The following CBLB variants were observed in gnomAD, a reference collection of about 807,000 sequenced individuals.
CBLB encodes the protein Cbl proto-oncogene B.
CBLB carries 31 observed loss-of-function variants against 104.9 expected under a neutral mutation model. The ratio of observed to expected loss-of-function variants is 0.30; its 90% CI spans 0.22 to 0.40. The LOEUF is 0.40. Among genes scored for constraint, CBLB ranks in the 10% least tolerant of loss-of-function variants. The pLI is 1.00. For synonymous variants in CBLB, 440 were observed against 422.6 expected, an observed-to-expected ratio of 1.04 and a Z score of -0.51; for missense variants, 1,062 against 1,214.6, an observed-to-expected ratio of 0.87 and a Z score of 1.87.
intron 9 of CBLB, among the ~76,000 whole-genome samples, chr3:105,725,747 T>C (rs1394192329): frequency 1.3e-5 from 2 of 152,236 alleles, no homozygotes; most frequent in African/African-American, 2.4e-5. Context: ...CAAGTATTAT[T>C]TTCTATTTGT....
chr3:105,657,485 C>A lies in CBLB; in HGVS notation c.*1485G>T, dbSNP rs185240712. Reference sequence around the variant, plus strand: ...AACCAGCTAATTCTAAATTCTAAAGCCCTGGGGGAAACCTTCCAGGCTTTG... The same window carrying A: ...AACCAGCTAATTCTAAATTCTAAAGACCTGGGGGAAACCTTCCAGGCTTTG... On this transcript the variant is annotated 3_prime_UTR_variant, in exon 19 of 19. Coordinates refer to ENST00000394030, the MANE Select transcript of CBLB (RefSeq NM_170662.5). 52 of 209,184 alleles carry A rather than the reference C, an allele frequency of 2.5e-4. No individual in the cohort carries two copies. The highest frequency in any genetic ancestry group is 1.0e-3 in the African/African-American group (46 of 44,122). The allele number at this position is 209,184 out of a possible 1,614,324, so 13.0% of individuals were successfully genotyped here. A position where few individuals can be genotyped will look rare whatever the true frequency, so the allele number is the denominator to read the frequency against.
intron 10 of CBLB, among the ~76,000 whole-genome samples, chr3:105,714,131 G>C (rs912036103): frequency 1.3e-4 from 20 of 152,050 alleles, no homozygotes; most frequent in African/African-American, 4.8e-4. Flanking sequence ...AATAGACAAC[G>C]TAAAAAGGCA....
chr3:105,858,985 C>T (rs1319460364), intron 2 of CBLB, among the ~76,000 whole-genome samples: 1 of 151,988 alleles, frequency 6.6e-6, no homozygotes, highest in Non-Finnish European at 1.5e-5. Context: ...ATATATTCAA[C>T]CATATCAAAG....
chr3:105,668,957 T>G (rs571546470), intron 18 of CBLB, among the ~76,000 whole-genome samples: 1 of 152,202 alleles, frequency 6.6e-6, no homozygotes, highest in African/African-American at 2.4e-5. Flanking sequence ...ATAGGAAAAC[T>G]TCTGATATTC....
intron 3 of CBLB, among the ~76,000 whole-genome samples, chr3:105,840,963 T>A (rs1019122465): frequency 5.3e-5 from 8 of 152,164 alleles, no homozygotes; most frequent in South Asian, 2.1e-4. Context: ...GTTCCTTCTT[T>A]AATTATTAAA....
intron 3 of CBLB, among the ~76,000 whole-genome samples, chr3:105,843,283 G>T (rs1283744698): frequency 5.3e-5 from 8 of 152,152 alleles, no homozygotes; most frequent in Non-Finnish European, 1.0e-4. Flanking sequence ...TTGAAATCAT[G>T]TTTAATACTC....
Position 105,716,464 on chromosome 3 carries a change from T to C in CBLB, c.1407+3583A>G, listed in dbSNP as rs566760064. 2.0e-5 allele frequency among the ~76,000 whole-genome samples: 3 copies of C among 152,316 alleles called. No homozygotes were observed. In the South Asian group the frequency reaches 6.2e-4, roughly 32 times the overall value. On this transcript the variant is annotated intron_variant, in intron 10 of 18. Transcript: ENST00000394030. ...TTAAATAACAATTTAGTGTAACTCC[T>C]GATATAGAAGTACATATAAAATACT...
chr3:105,801,343 T>C (rs975841563), intron 3 of CBLB, among the ~76,000 whole-genome samples: 9 of 152,180 alleles, frequency 5.9e-5, no homozygotes, highest in Non-Finnish European at 1.0e-4. Flanking sequence ...TAAAAGATAG[T>C]ATTTTTAATG....
intron 10 of CBLB, among the ~76,000 whole-genome samples, chr3:105,708,189 T>C (rs2070490851): frequency 6.6e-6 from 1 of 152,124 alleles, no homozygotes; most frequent in South Asian, 2.1e-4. Flanking sequence ...AGGCCATTTA[T>C]CTTTTTCTAC....
intron 10 of CBLB, among the ~76,000 whole-genome samples, chr3:105,707,290 C>T (rs761344622): frequency 5.3e-5 from 8 of 152,144 alleles, no homozygotes; most frequent in African/African-American, 1.4e-4. Flanking sequence ...ATGTACTGTC[C>T]TTTTGAAGAA....
intron 17 of CBLB, chr3:105,670,934 T>C (rs1295682281): frequency 6.1e-6 from 1 of 165,040 alleles, no homozygotes; most frequent in Non-Finnish European, 1.3e-5. Context: ...TTGTTGTTAG[T>C]TGGCTCACAA....
chr3:105,866,642 C>T (rs533340852), intron 2 of CBLB, among the ~76,000 whole-genome samples: 2 of 152,314 alleles, frequency 1.3e-5, no homozygotes, highest in Admixed American at 1.3e-4. Flanking sequence ...CTGACAGCTA[C>T]AGTTTCTGAG....
In CBLB at chr3:105,681,734, T is replaced by A; in HGVS notation, c.2286A>T (p.Ile762=). ...EKKSNIPDLS[I]YLKGDVFDSA... The stretch of plus-strand genomic sequence containing the variant: ...ATATTCTATACGTACCCTTTAAATA[T>A]ATGCTTAAGTCAGGGATGTTTGATT... Residue 762 remains isoleucine, a synonymous_variant, in exon 15 of 19, where the codon ATA becomes ATT. Transcript: ENST00000394030. 1 of 1,605,982 alleles carries A rather than the reference T, an allele frequency of 6.2e-7. No homozygotes were observed. The highest frequency in any genetic ancestry group is 8.5e-7 in the Non-Finnish European group (1 of 1,172,598).
At chr3:105,731,999 T>C (rs1472732650) in intron 9 of CBLB, among the ~76,000 whole-genome samples, 2 of 152,214 alleles carry the variant, frequency 1.3e-5, no homozygotes, top group African/African-American at 2.4e-5. Context: ...TGTATCAGCC[T>C]ATTATTCTGA....
chr3:105,777,711 A>G (rs192068805), intron 3 of CBLB, among the ~76,000 whole-genome samples: 177 of 152,352 alleles, frequency 1.2e-3, no homozygotes, highest in African/African-American at 4.1e-3. Flanking sequence ...AGTCTGTTTT[A>G]GAAGGAAAAA....
rs912617745 is a variant in CBLB at position 105,696,087 on chromosome 3, T to TAC, written c.1960-2501_1960-2500dup. ...ATATACATACATACATATATACACA[T>TAC]ACACACACACACACATATATATAAT... is the stretch of plus-strand genomic sequence containing the variant. On this transcript the variant is annotated intron_variant, in intron 12 of 18. Coordinates refer to ENST00000394030, the MANE Select transcript of CBLB (RefSeq NM_170662.5). 4.8e-4 allele frequency among the ~76,000 whole-genome samples: 73 copies of TAC among 150,644 alleles called. 1 individual carries two copies. Among genetic ancestry groups the TAC allele is most frequent in the Middle Eastern group, 3.4e-3 (1 of 292 alleles).
chr3:105,790,441 T>C (rs1264278057), intron 3 of CBLB, among the ~76,000 whole-genome samples: 1 of 152,214 alleles, frequency 6.6e-6, no homozygotes, highest in Non-Finnish European at 1.5e-5. Flanking sequence ...TTTATATGCA[T>C]GAAAATTATA....
intron 3 of CBLB, among the ~76,000 whole-genome samples, chr3:105,778,027 A>G (rs1460945344): frequency 6.6e-6 from 1 of 152,178 alleles, no homozygotes; most frequent in African/African-American, 2.4e-5. Context: ...ACCAGAAATC[A>G]ATAGGTACAT....
At chr3:105,804,156 C>T (rs967880028) in intron 3 of CBLB, among the ~76,000 whole-genome samples, 1 of 152,168 alleles carries the variant, frequency 6.6e-6, no homozygotes, top group African/African-American at 2.4e-5. Context: ...TGCTACTCTG[C>T]ACTTCAAATG....
Sources: gnomAD v4.1 joint callset for allele counts (sites outside exome capture counted in the v4.1 genomes callset) on GRCh38, gnomAD v4.1.1 for gene constraint, MANE v1.5 for transcripts, NCBI Gene and HGNC (gene_info 2026-07-23, HGNC 2026-07-21) for gene names.